LAMA5: variants seen among roughly 807,000 people sequenced by gnomAD.
LAMA5 encodes laminin subunit alpha-5.
Under a neutral mutation model 433.4 loss-of-function variants are expected in LAMA5, and 260 were observed. The observed-to-expected ratio is 0.60, with a 90% CI of 0.54 to 0.66. LAMA5 has a LOEUF of 0.66. Ranked by LOEUF, LAMA5 falls within the 30% of genes least tolerant of loss-of-function variation. The probability of loss-of-function intolerance (pLI) is 0.00; values close to 1 mark genes in which losing one functional copy is unlikely to be tolerated. For missense variants in LAMA5, 5,378 were observed against 5,258.5 expected (o/e 1.02, Z -0.70); for synonymous variants, 2,620 against 2,226.6 (o/e 1.18, Z -4.97).
At chr20:62,351,630 CA>C in intron 6 of LAMA5, 73 bp downstream of exon 6, 1 of 1,437,992 alleles carries the variant, frequency 7.0e-7, no homozygotes. Flanking sequence ...TCAGGTTAGG[CA>C]GGGGTGACAA....
rs1235191357 is a variant in LAMA5, at chr20:62,311,061, G to T, written c.10122C>A (p.Ser3374Arg). 6.3e-7 allele frequency: 1 copy of T among 1,598,426 alleles called. No individual in the cohort carries two copies. The highest frequency in any genetic ancestry group is 1.7e-5 in the Admixed American group (1 of 57,958). The change falls in exon 74 of 80, where the codon AGC becomes AGA. Residue 3374 changes from serine (S) to arginine (R), a missense_variant. Physicochemically the swap from Ser to Arg is moderately radical, Grantham distance 110 (BLOSUM62 -1). Transcript: ENST00000252999. ...CAGTGAAGAGGAGGAGGCCTCGGGA[G>T]CTTCGCGGGAGGACGTGCATGGAGA... ...PSLSMHVLPR[S>R]SRGLLLFTAR...
In LAMA5 at chr20:62,362,406, C is replaced by A; in HGVS notation, c.444G>T (p.Leu148=). 1 of 1,541,526 alleles carries A rather than the reference C, an allele frequency of 6.5e-7. No individual in the cohort carries two copies. Among genetic ancestry groups the A allele is most frequent in the Non-Finnish European group, 8.8e-7 (1 of 1,137,244 alleles). Residue 148 remains leucine (L), a synonymous_variant, in exon 2 of 80, where the codon CTG becomes CTT. Coordinates refer to ENST00000252999, the MANE Select transcript of LAMA5 (RefSeq NM_005560.6). ...CGCAAAGAAGGGTCCCTACCTGGCCCAGGTCCAGGGTGACGTTGACCTCGT... is the reference window on the plus strand; with the variant it reads ...CGCAAAGAAGGGTCCCTACCTGGCCAAGGTCCAGGGTGACGTTGACCTCGT... ...EYNEVNVTLD[L]GQVFHVAYVL...
chr20:62,313,956 C>A (rs1160404103), intron 62 of LAMA5, among the ~76,000 whole-genome samples, 154 bp from the exon 63 acceptor site: 1 of 16,818 alleles, frequency 5.9e-5, no homozygotes, highest in East Asian at 1.6e-3. Flanking sequence ...CATGGAGAGA[C>A]GGGTGGCGAG....
At chr20:62,323,032 TGAGGGGGGACTGATTGTGGGGGGA>T (rs1568922466) in intron 45 of LAMA5, among the ~76,000 whole-genome samples, 1 of 126,838 alleles carries the variant, frequency 7.9e-6, no homozygotes, top group Non-Finnish European at 1.6e-5. Context: ...TGTCTAACCA[TGAGGGGGGACTGATTGTGGGGGGA>T]GAGGGGATGT....
At chr20:62,326,087 G>A (rs1048291361) in intron 40 of LAMA5, among the ~76,000 whole-genome samples, 2 of 152,108 alleles carry the variant, frequency 1.3e-5, no homozygotes, top group African/African-American at 4.8e-5. Context: ...GGGTGTGGTG[G>A]CGGGTGCCTA....
Position 62,334,625 on chromosome 20 carries a change from C to T in LAMA5, c.2483-4G>A. 1 of 1,545,000 alleles carries T rather than the reference C, an allele frequency of 6.5e-7. No individual in the cohort carries two copies. Among genetic ancestry groups the T allele is most frequent in the African/African-American group, 1.4e-5 (1 of 73,150 alleles). On this transcript the variant is annotated splice_region_variant and splice_polypyrimidine_tract_variant and intron_variant, in intron 20 of 79. Coordinates refer to ENST00000252999, the MANE Select transcript of LAMA5 (RefSeq NM_005560.6). ...CCGCCAATGTCACACCGGCAGCCTG[C>T]AGGGAGAAGGTGGGAGGTCAGAGGC...
At chr20:62,362,939 AG>A (rs1359840708) in intron 1 of LAMA5, among the ~76,000 whole-genome samples, 1 of 152,142 alleles carries the variant, frequency 6.6e-6, no homozygotes, top group East Asian at 1.9e-4. Flanking sequence ...AGAGTCTCAC[AG>A]TAAACCACAA....
At chr20:62,319,975 A>G (rs956314600) in intron 50 of LAMA5, among the ~76,000 whole-genome samples, 180 bp from the exon 51 acceptor site, 6 of 152,170 alleles carry the variant, frequency 3.9e-5, no homozygotes, top group African/African-American at 1.4e-4. Context: ...ATTATTGGTT[A>G]TAACTTGCCA....
chr20:62,322,608 T>G (rs962462448), intron 46 of LAMA5, 50 bp downstream of exon 46: 2 of 1,453,106 alleles, frequency 1.4e-6, no homozygotes, highest in Admixed American at 4.1e-5. Context: ...AGGCCCCAAC[T>G]CTAGTCCCTA....
At chr20:62,341,766 C>T (rs559068916) in intron 11 of LAMA5, among the ~76,000 whole-genome samples, 9 of 148,698 alleles carry the variant, frequency 6.1e-5, no homozygotes, top group Non-Finnish European at 1.0e-4. Flanking sequence ...ATCAAGAGAA[C>T]TGCACCTGTA....
intron 32 of LAMA5, 35 bp from the exon 33 acceptor site, chr20:62,329,288 C>A: frequency 6.6e-7 from 1 of 1,521,594 alleles, no homozygotes; most frequent in Admixed American, 1.7e-5. Context: ...TCCCGCGGGC[C>A]CAGAGCCTGC....
rs1980029783 is a variant in LAMA5 at position 62,329,862 on chromosome 20, A to C, written c.4034T>G (p.Val1345Gly). The change falls in exon 32 of 80, where the codon GTG (valine) becomes GGG (glycine). Residue 1345 changes from valine (V) to glycine (G), a missense_variant. Coordinates refer to ENST00000252999, the MANE Select transcript of LAMA5 (RefSeq NM_005560.6). ...PHGYGCRTLV[V>G]CEGQALLDVT... ...GTCCAGCAGGGCCTGGCCCTCACAC[A>C]CCACCAGGGTGCGGCAGCCGTAGCC... The C allele has an allele frequency of 6.2e-7, 1 of 1,612,144 alleles. No individual in the cohort carries two copies.
intron 48 of LAMA5, among the ~76,000 whole-genome samples, 153 bp from the exon 49 acceptor site, chr20:62,321,043 T>C: frequency 6.6e-6 from 1 of 150,998 alleles, no homozygotes; most frequent in Admixed American, 6.6e-5. Context: ...GGTCCCAGAG[T>C]TCTGGCAGAG....
At chr20:62,314,497 C>T in intron 61 of LAMA5, 57 bp from the exon 62 acceptor site, 1 of 1,609,336 alleles carries the variant, frequency 6.2e-7, no homozygotes, top group Non-Finnish European at 8.5e-7. Flanking sequence ...GGACCAGGCA[C>T]CGCTCATTTC....
At position 62,322,331 on chromosome 20, in the gene LAMA5, A is replaced by C; in HGVS notation, c.6284T>G (p.Met2095Arg). Residue 2095 changes from methionine to arginine, a missense_variant, in exon 47 of 80, where the codon ATG becomes AGG. By Grantham distance (91) the Met-to-Arg change is moderately conservative (BLOSUM62 -1). Coordinates refer to ENST00000252999, the MANE Select transcript of LAMA5 (RefSeq NM_005560.6). ...GGCACACTCGCGGCACTGGGGTCCCATGGTCCCTGGTCGGCAGTGGCACTG... is the reference window on the plus strand; with the variant it reads ...GGCACACTCGCGGCACTGGGGTCCCCTGGTCCCTGGTCGGCAGTGGCACTG... The part of the protein sequence containing the change: ...SGQCHCRPGT[M>R]GPQCRECAPG... The C allele has an allele frequency of 1.3e-6, 2 of 1,599,412 alleles. No individual in the cohort carries two copies. The highest frequency in any genetic ancestry group is 1.7e-6 in the Non-Finnish European group (2 of 1,174,756).
chr20:62,320,418 C>T (rs1381518620), intron 50 of LAMA5, 141 bp downstream of exon 50: 2 of 629,776 alleles, frequency 3.2e-6, no homozygotes, highest in East Asian at 2.8e-5. Flanking sequence ...ACTTGGTCAA[C>T]CCCTAAGACT....
In LAMA5 at chr20:62,339,487, CG is replaced by C. The variant is rs779476006; in HGVS notation, c.1478-880del. On this transcript the variant is annotated intron_variant, in intron 11 of 79. Transcript: ENST00000252999. ...TCCTGACCACGTGATCCGCCTGCCTCGGCCTCCCAAAGTGCTGGGATTAAAA... is the reference window on the plus strand; with the variant it reads ...TCCTGACCACGTGATCCGCCTGCCTCGCCTCCCAAAGTGCTGGGATTAAAA... 5.9e-5 allele frequency among the ~76,000 whole-genome samples: 9 copies of C among 152,148 alleles called. No homozygotes were observed. In the East Asian group the frequency reaches 1.6e-3, roughly 26 times the overall value.
At chr20:62,316,610 G>T in intron 57 of LAMA5, 61 bp downstream of exon 57, 2 of 1,309,044 alleles carry the variant, frequency 1.5e-6, no homozygotes, top group Non-Finnish European at 2.1e-6. Context: ...GGGGGCTGAG[G>T]GTCCCTGGGA....
intron 58 of LAMA5, 78 bp from the exon 59 acceptor site, chr20:62,315,285 G>A (rs1455249724): frequency 1.6e-6 from 2 of 1,285,338 alleles, no homozygotes; most frequent in African/African-American, 1.5e-5. Context: ...CTTTCTGTTG[G>A]GCCAGCAACA....
Sources: gnomAD v4.1 joint callset for allele counts (sites outside exome capture counted in the v4.1 genomes callset) on GRCh38, gnomAD v4.1.1 for gene constraint, MANE v1.5 for transcripts, NCBI Gene and HGNC (gene_info 2026-07-23, HGNC 2026-07-21) for gene names.